The following SH3KBP1 variants were observed in gnomAD, a reference collection of about 807,000 sequenced individuals.
SH3KBP1 encodes SH3 domain-containing kinase-binding protein 1.
SH3KBP1 carries 8 observed loss-of-function variants against 50.1 expected under a neutral mutation model. That is an observed-to-expected ratio of 0.16 (90% CI 0.09 to 0.29). SH3KBP1 has a LOEUF of 0.29. Among genes scored for constraint, SH3KBP1 ranks in the 10% least tolerant of loss-of-function variants. The pLI is 1.00. For synonymous variants in SH3KBP1, 227 were observed against 218.6 expected, an observed-to-expected ratio of 1.04 and a Z score of -0.34; for missense variants, 377 against 535.2, an observed-to-expected ratio of 0.70 and a Z score of 2.92.
At chrX:19,721,478 G>C (rs1261710056) in intron 3 of SH3KBP1, among the ~76,000 whole-genome samples, 2 of 111,904 alleles carry the variant, frequency 1.8e-5, no homozygotes, top group Non-Finnish European at 3.8e-5. Context: ...ATCACCTCCT[G>C]ACCCACTGCT....
At chrX:19,610,624 G>C (rs1243741454) in intron 8 of SH3KBP1, among the ~76,000 whole-genome samples, 1 of 111,971 alleles carries the variant, frequency 8.9e-6, no homozygotes, top group Non-Finnish European at 1.9e-5. Flanking sequence ...TGCAGATGCA[G>C]AGAACATGAT....
chrX:19,605,625 T>A (rs1320826380), intron 9 of SH3KBP1, among the ~76,000 whole-genome samples: 1 of 111,339 alleles, frequency 9.0e-6, no homozygotes. Flanking sequence ...ATATCAAGTG[T>A]CCTTTCAGAA....
At chrX:19,866,873 T>C (rs2068922953) in intron 1 of SH3KBP1, among the ~76,000 whole-genome samples, 1 of 109,082 alleles carries the variant, frequency 9.2e-6, no homozygotes, top group Non-Finnish European at 1.9e-5. Flanking sequence ...TTGAGAGAAA[T>C]ACTATCCAAA....
rs1043866933 is a variant in SH3KBP1, at chrX:19,536,251, T to C, written c.*166A>G. 3 of 380,140 alleles carry C rather than the reference T, an allele frequency of 7.9e-6. No homozygotes were observed. Among genetic ancestry groups the C allele is most frequent in the African/African-American group, 7.8e-5 (3 of 38,447 alleles). The allele number at this position is 380,140 out of a possible 1,213,427, so 31.3% of individuals were successfully genotyped here. A position where few individuals can be genotyped will look rare whatever the true frequency, so the allele number is the denominator to read the frequency against. On this transcript the variant is annotated 3_prime_UTR_variant, in exon 18 of 18. Transcript: ENST00000397821. ...CTAAACCCTGGGGAAGATTCTCCTCTTGGATGGAATTTGTGTTGTGCTATC... is the reference window on the plus strand; with the variant it reads ...CTAAACCCTGGGGAAGATTCTCCTCCTGGATGGAATTTGTGTTGTGCTATC...
intron 6 of SH3KBP1, among the ~76,000 whole-genome samples, chrX:19,667,526 G>A (rs2062628646): frequency 9.0e-6 from 1 of 111,373 alleles, no homozygotes; most frequent in African/African-American, 3.3e-5. Flanking sequence ...CTACTTGGGA[G>A]GCTGAGGCAG....
chrX:19,857,041 GT>G (rs1382697914), intron 1 of SH3KBP1, among the ~76,000 whole-genome samples: 2 of 84,734 alleles, frequency 2.4e-5, no homozygotes, highest in African/African-American at 9.7e-5. Flanking sequence ...ATCCTCCCTG[GT>G]CTAAATCATC....
intron 5 of SH3KBP1, among the ~76,000 whole-genome samples, chrX:19,686,468 G>A (rs2063166313): frequency 9.0e-6 from 1 of 111,339 alleles, no homozygotes; most frequent in Non-Finnish European, 1.9e-5. Context: ...GTAGGCAGTG[G>A]TGAGAGAACT....
At chrX:19,866,583 G>A (rs992966099) in intron 1 of SH3KBP1, among the ~76,000 whole-genome samples, 10 of 109,011 alleles carry the variant, frequency 9.2e-5, no homozygotes, top group African/African-American at 2.7e-4. Context: ...CCAGCTACTC[G>A]GGAGGCTGAG....
intron 2 of SH3KBP1, among the ~76,000 whole-genome samples, chrX:19,803,121 T>G (rs1287262681): frequency 3.6e-5 from 4 of 111,961 alleles, no homozygotes; most frequent in Non-Finnish European, 7.5e-5. Context: ...GCTCTGCTTC[T>G]CGGCTCCAAC....
chrX:19,670,854 A>AAAAAAAAAAAAT, intron 6 of SH3KBP1: 1 of 1,143,556 alleles, frequency 8.7e-7, no homozygotes, highest in Non-Finnish European at 1.2e-6. Flanking sequence ...AAAAAAAAAA[A>AAAAAAAAAAAAT]GAAATACCTC....
intron 2 of SH3KBP1, among the ~76,000 whole-genome samples, chrX:19,774,703 AAAGAAAG>A (rs1477545928): frequency 2.9e-5 from 3 of 104,316 alleles, no homozygotes; most frequent in East Asian, 5.8e-4. Context: ...AGAAAGAAAG[AAAGAAAG>A]AAGAAACCTA....
At chrX:19,780,639 T>G (rs2066148494) in intron 2 of SH3KBP1, among the ~76,000 whole-genome samples, 1 of 107,749 alleles carries the variant, frequency 9.3e-6, no homozygotes, top group South Asian at 4.2e-4. Flanking sequence ...AAGGAAGGGA[T>G]CCGGTTTCAG....
At chrX:19,821,390 C>T (rs2067521093) in intron 2 of SH3KBP1, among the ~76,000 whole-genome samples, 1 of 111,496 alleles carries the variant, frequency 9.0e-6, no homozygotes, top group Non-Finnish European at 1.9e-5. Flanking sequence ...GATTCCGTCT[C>T]AACAACAACA....
chrX:19,677,449 C>T (rs1602972225), intron 6 of SH3KBP1, among the ~76,000 whole-genome samples: 1 of 111,460 alleles, frequency 9.0e-6, no homozygotes, highest in African/African-American at 3.3e-5. Flanking sequence ...TCTTCCAGCC[C>T]AATCTCTAGG....
chrX:19,853,157 C>CGT (rs200195294), intron 1 of SH3KBP1, among the ~76,000 whole-genome samples: 3 of 111,818 alleles, frequency 2.7e-5, no homozygotes, highest in South Asian at 3.7e-4. Flanking sequence ...TGCGTGTGCA[C>CGT]GTGTGTGTGT....
At chrX:19,839,334 A>AG (rs1207686554) in intron 1 of SH3KBP1, among the ~76,000 whole-genome samples, 15 of 107,753 alleles carry the variant, frequency 1.4e-4, no homozygotes, top group Non-Finnish European at 2.9e-4. Context: ...AAAAAAAAAA[A>AG]CAAAATTTTT....
chrX:19,868,927 T>G (rs1339706052), intron 1 of SH3KBP1, among the ~76,000 whole-genome samples: 3 of 110,249 alleles, frequency 2.7e-5, no homozygotes, highest in Non-Finnish European at 5.7e-5. Context: ...CTAAAGGGAC[T>G]TCACAGATTT....
chrX:19,782,199 A>T (rs966458672), intron 2 of SH3KBP1, among the ~76,000 whole-genome samples: 4 of 110,282 alleles, frequency 3.6e-5, no homozygotes, highest in African/African-American at 1.3e-4. Context: ...AGATGGACAG[A>T]GGAGAAGGCA....
At chrX:19,828,244 A>G (rs1053390541) in intron 2 of SH3KBP1, among the ~76,000 whole-genome samples, 20 of 108,325 alleles carry the variant, frequency 1.8e-4, no homozygotes, top group Non-Finnish European at 3.2e-4. Flanking sequence ...TTATTTGAAC[A>G]TTCCTTTTTC....
Sources: allele counts gnomAD v4.1 joint callset (sites outside exome capture counted in the v4.1 genomes callset), GRCh38; gene constraint gnomAD v4.1.1; transcripts MANE v1.5; gene names NCBI Gene and HGNC (gene_info 2026-07-23, HGNC 2026-07-21).